MACF1: variants seen among roughly 807,000 people sequenced by gnomAD.
MACF1 encodes the protein microtubule actin crosslinking factor 1, also known as microtubule-actin cross-linking factor 1.
A neutral mutation model predicts 854.8 loss-of-function variants in MACF1; 193 were observed. That is an observed-to-expected ratio of 0.23 (90% CI 0.20 to 0.25). MACF1 has a LOEUF of 0.25. Among genes scored for constraint, MACF1 ranks in the 10% least tolerant of loss-of-function variants. MACF1 has a pLI of 1.00. For missense variants in MACF1, 7,722 were observed against 8,929.1 expected, an observed-to-expected ratio of 0.86 and a Z score of 5.45; for synonymous variants, 3,185 against 3,226.7, an observed-to-expected ratio of 0.99 and a Z score of 0.44.
At chr1:39,180,468 T>C (rs757044410) in intron 2 of MACF1, among the ~76,000 whole-genome samples, 15 of 151,792 alleles carry the variant, frequency 9.9e-5, no homozygotes, top group Non-Finnish European at 2.1e-4. Flanking sequence ...ATACAAAAAT[T>C]AGCAGGGCGT....
In MACF1 at chr1:39,303,042, C is replaced by G; in HGVS notation, c.2753C>G (p.Pro918Arg). The G allele has an allele frequency of 6.2e-7, 1 of 1,614,156 alleles. No homozygotes were observed. The highest frequency in any genetic ancestry group is 8.5e-7 in the Non-Finnish European group (1 of 1,179,986). The stretch of plus-strand genomic sequence containing the variant: ...GTGCCGTCAGTCTGCTTCCTCATCC[C>G]CCCACCCAATAAGGATGCCATTGAG... ...AMVPSVCFLI[P>R]PPNKDAIEMA... The change falls in exon 23 of 101, where the codon CCC (proline) becomes CGC (arginine). Residue 918 changes from proline (P) to arginine (R), a missense_variant. By Grantham distance (103) the Pro-to-Arg change is moderately radical (BLOSUM62 -2). Transcript: ENST00000564288.
At chr1:39,153,678 G>A (rs534111091) in intron 2 of MACF1, among the ~76,000 whole-genome samples, 1 of 152,306 alleles carries the variant, frequency 6.6e-6, no homozygotes, top group Non-Finnish European at 1.5e-5. Flanking sequence ...TTCCTTTAAA[G>A]CCTCACTTGG....
intron 35 of MACF1, 42 bp from the exon 36 acceptor site, chr1:39,327,172 ATTGT>A: frequency 1.3e-6 from 2 of 1,511,490 alleles, no homozygotes; most frequent in Non-Finnish European, 1.8e-6. Flanking sequence ...GAGTTTGGAG[ATTGT>A]TTTTTTTTCT....
intron 2 of MACF1, among the ~76,000 whole-genome samples, chr1:39,192,319 C>T (rs1031017952): frequency 6.6e-6 from 1 of 152,056 alleles, no homozygotes; most frequent in Non-Finnish European, 1.5e-5. Flanking sequence ...AAGAGTGAGT[C>T]ACCTCGGGGA....
At chr1:39,349,200 T>C (rs1383626035) in intron 41 of MACF1, among the ~76,000 whole-genome samples, 1 of 152,178 alleles carries the variant, frequency 6.6e-6, no homozygotes, top group Non-Finnish European at 1.5e-5. Context: ...TTTCCAAAGA[T>C]AATAACAGCA....
intron 97 of MACF1, among the ~76,000 whole-genome samples, chr1:39,475,947 G>A (rs1412007499): frequency 6.6e-6 from 1 of 152,110 alleles, no homozygotes; most frequent in East Asian, 1.9e-4. Context: ...GTCAGCAAGG[G>A]AGCAGGCGTC....
In MACF1 at chr1:39,333,455, T is replaced by C. The variant is rs1646761655; in HGVS notation, c.6867T>C (p.Ser2289=). 1 of 1,614,088 alleles carries C rather than the reference T, an allele frequency of 6.2e-7. No homozygotes were observed. Among genetic ancestry groups the C allele is most frequent in the African/African-American group, 1.3e-5 (1 of 74,944 alleles). Residue 2289 remains serine, a synonymous_variant, in exon 37 of 101, where the codon TCT becomes TCC. Transcript: ENST00000564288. The part of the protein sequence containing the change: ...LLEEATLNVL[S]AQLLDGGIFH... The stretch of plus-strand genomic sequence containing the variant: ...AAGAAGCTACCTTAAATGTATTATC[T>C]GCACAGTTACTAGATGGTGGTATCT...
chr1:39,477,131 TATATAC>T (rs1481792799), intron 97 of MACF1, among the ~76,000 whole-genome samples: 2,779 of 91,232 alleles, frequency 0.03, 194 homozygotes, highest in Middle Eastern at 0.076. Flanking sequence ...TATATATATA[TATATAC>T]ACACACACAC....
chr1:39,298,239 A>G (rs1379455535), intron 21 of MACF1, among the ~76,000 whole-genome samples: 1 of 152,178 alleles, frequency 6.6e-6, no homozygotes, highest in Non-Finnish European at 1.5e-5. Flanking sequence ...TAATTCAAAG[A>G]AACATTAAAA....
intron 52 of MACF1, 21 bp downstream of exon 52, chr1:39,372,617 A>G: frequency 6.7e-7 from 1 of 1,494,546 alleles, no homozygotes; most frequent in South Asian, 1.1e-5. Context: ...GCTCTTCAAA[A>G]TATAGTGAAT....
chr1:39,172,595 G>A (rs1487687976), intron 2 of MACF1, among the ~76,000 whole-genome samples: 1 of 152,112 alleles, frequency 6.6e-6, no homozygotes, highest in Non-Finnish European at 1.5e-5. Context: ...ACATTAATTT[G>A]TCTGCTCACT....
At chr1:39,212,643 G>C (rs1644530413) in intron 1 of MACF1, among the ~76,000 whole-genome samples, 1 of 152,026 alleles carries the variant, frequency 6.6e-6, no homozygotes, top group Non-Finnish European at 1.5e-5. Context: ...TTTATTTTGA[G>C]ACATAGTCTC....
At chr1:39,411,973 G>A (rs910546404) in intron 58 of MACF1, 2 of 1,613,970 alleles carry the variant, frequency 1.2e-6, no homozygotes, top group East Asian at 2.2e-5. Context: ...TGTTAGCAAG[G>A]AGGAATGTGA....
chr1:39,421,100 C>T (rs1643518476), intron 58 of MACF1, among the ~76,000 whole-genome samples: 1 of 152,206 alleles, frequency 6.6e-6, no homozygotes, highest in East Asian at 1.9e-4. Flanking sequence ...CTCCTGACCT[C>T]ATGATTTGCC....
chr1:39,237,086 CTG>C, intron 2 of MACF1, among the ~76,000 whole-genome samples: 1 of 152,384 alleles, frequency 6.6e-6, no homozygotes, highest in Middle Eastern at 3.4e-3. Context: ...TCTAAGCACT[CTG>C]TTTTTTGTAG....
rs16825846 is a variant in MACF1, at chr1:39,151,588, T to C, written c.220+67150T>C. On this transcript the variant is annotated intron_variant, in intron 2 of 93. Coordinates refer to the MACF1 transcript ENST00000361689. ...GCTTCATGTTTGCTCATGTTTCTAC[T>C]TTGTTTCCTCTGTCTGAAACACCCT... Among the ~76,000 whole-genome samples, 1,405 of 152,328 alleles carry C rather than the reference T, an allele frequency of 9.2e-3. 28 individuals are homozygous for C. Among genetic ancestry groups the C allele is most frequent in the African/African-American group, 0.032 (1,333 of 41,562 alleles).
chr1:39,378,986 G>A (rs539105145), intron 53 of MACF1, among the ~76,000 whole-genome samples: 64 of 152,220 alleles, frequency 4.2e-4, no homozygotes, highest in African/African-American at 1.4e-3. Context: ...GCATTTTAAG[G>A]TATACATCTG....
intron 52 of MACF1, among the ~76,000 whole-genome samples, chr1:39,374,548 G>A (rs1273296707): frequency 6.6e-6 from 1 of 152,202 alleles, no homozygotes; most frequent in African/African-American, 2.4e-5. Context: ...TAAAGGGCCA[G>A]ATAGTAACTA....
chr1:39,241,407 G>T (rs1644921187), intron 2 of MACF1, among the ~76,000 whole-genome samples: 1 of 152,014 alleles, frequency 6.6e-6, no homozygotes, highest in East Asian at 1.9e-4. Context: ...CGCCAGTAAT[G>T]TCAGCACTTT....
Sources: allele counts gnomAD v4.1 joint callset (sites outside exome capture counted in the v4.1 genomes callset), GRCh38; gene constraint gnomAD v4.1.1; transcripts MANE v1.5; gene names NCBI Gene and HGNC (gene_info 2026-07-23, HGNC 2026-07-21).